The following PI4KA variants were observed in gnomAD, a reference collection of about 807,000 sequenced individuals.
PI4KA encodes the protein PI4-kinase alpha.
Under a neutral mutation model 271.4 loss-of-function variants are expected in PI4KA, and 122 were observed. The observed-to-expected ratio is 0.45, with a 90% CI of 0.39 to 0.52. The LOEUF (loss-of-function observed/expected upper bound fraction) is 0.52, where lower values mean the gene tolerates loss of function less well. PI4KA is among the 20% of genes least tolerant of loss of function. The pLI, the probability that PI4KA is intolerant of heterozygous loss-of-function variation, is 0.00. For synonymous variants in PI4KA, 1,041 were observed against 1,078.8 expected, an observed-to-expected ratio of 0.96 and a Z score of 0.69; for missense variants, 1,969 against 2,769.1, an observed-to-expected ratio of 0.71 and a Z score of 6.48.
intron 3 of PI4KA, among the ~76,000 whole-genome samples, chr22:20,828,205 T>C (rs1421510654): frequency 6.6e-6 from 1 of 152,228 alleles, no homozygotes; most frequent in African/African-American, 2.4e-5. Context: ...ACATTGATTT[T>C]GTATCCTGAA....
chr22:20,836,704 G>T lies in PI4KA; in HGVS notation c.273+1911C>A, dbSNP rs1924908351. On this transcript the variant is annotated intron_variant, in intron 2 of 54. Coordinates refer to ENST00000255882, the MANE Select transcript of PI4KA (RefSeq NM_058004.4). Reference sequence around the variant, plus strand: ...GGTGGTCCCTAGGGCTTTCTCAGGGGGCTGGCAAAGCATGCTAGGCTTCTC... The same window carrying T: ...GGTGGTCCCTAGGGCTTTCTCAGGGTGCTGGCAAAGCATGCTAGGCTTCTC... 2.0e-5 allele frequency among the ~76,000 whole-genome samples: 3 copies of T among 152,276 alleles called. No homozygotes were observed. The South Asian group carries it at 6.2e-4, about 32-fold the overall frequency.
At chr22:20,713,427 G>A (rs1390283082) in intron 47 of PI4KA, 37 bp from the exon 48 acceptor site, 1 of 1,486,194 alleles carries the variant, frequency 6.7e-7, no homozygotes, top group African/African-American at 1.4e-5. Flanking sequence ...TAGCCTGTAG[G>A]CAGTGAGAAG....
intron 42 of PI4KA, 171 bp from the exon 43 acceptor site, chr22:20,721,589 G>C: frequency 1.5e-6 from 1 of 655,254 alleles, no homozygotes; most frequent in East Asian, 2.7e-5. Context: ...CCAGTGGCCA[G>C]GCCAAGTTCC....
Position 20,799,261 on chromosome 22 carries a change from A to C in PI4KA, c.1836T>G (p.Ile612Met). The change falls in exon 16 of 55, where the codon ATT becomes ATG. Residue 612 changes from isoleucine to methionine, a missense_variant. Physicochemically the swap from Ile to Met is conservative, Grantham distance 10 (BLOSUM62 1). Transcript: ENST00000255882. ...CCAAGGCTCGGATTGTGTGGTCGGGAATCAAGTGAGCGTCCCTACAGAAGG... is the reference window on the plus strand; with the variant it reads ...CCAAGGCTCGGATTGTGTGGTCGGGCATCAAGTGAGCGTCCCTACAGAAGG... ...SQESDKDAHL[I>M]PDHTIRALGH... The C allele has an allele frequency of 6.6e-7, 1 of 1,526,310 alleles. No homozygotes were observed. Among genetic ancestry groups the C allele is most frequent in the Non-Finnish European group, 8.8e-7 (1 of 1,139,518 alleles). The allele number at this position is 1,526,310 out of a possible 1,614,324, so 94.5% of individuals were successfully genotyped here.
intron 38 of PI4KA, 28 bp from the exon 39 acceptor site, chr22:20,729,534 A>G (rs764209148): frequency 1.9e-6 from 3 of 1,560,766 alleles, no homozygotes; most frequent in African/African-American, 2.7e-5. Context: ...AAGGCCTGAT[A>G]TGCACCCCTT....
At chr22:20,723,130 C>A (rs1043381913) in intron 42 of PI4KA, among the ~76,000 whole-genome samples, 6 of 151,666 alleles carry the variant, frequency 4.0e-5, no homozygotes, top group African/African-American at 1.5e-4. Context: ...ACGCCATTCT[C>A]CTGCCTCAGC....
chr22:20,726,275 A>C, intron 42 of PI4KA: 2 of 468,610 alleles, frequency 4.3e-6, no homozygotes, highest in Non-Finnish European at 3.7e-6. Context: ...CGCTCCACAG[A>C]GCATGCTTGG....
rs543028508 is a variant in PI4KA at position 20,717,288 on chromosome 22, C to G, written c.5317+420G>C. On this transcript the variant is annotated intron_variant, in intron 45 of 54. Coordinates refer to ENST00000255882, the MANE Select transcript of PI4KA (RefSeq NM_058004.4). Reference sequence around the variant, plus strand: ...CCATGTGGCCACAGCCACAGGCACCCAGGAGCGACTTCCCATGGAGGCGGT... The same window carrying G: ...CCATGTGGCCACAGCCACAGGCACCGAGGAGCGACTTCCCATGGAGGCGGT... 2.2e-3 allele frequency among the ~76,000 whole-genome samples: 331 copies of G among 152,356 alleles called. 1 individual carries two copies. The highest frequency in any genetic ancestry group is 7.9e-3 in the African/African-American group (329 of 41,574).
chr22:20,754,187 A>G (rs1931021466), intron 23 of PI4KA, among the ~76,000 whole-genome samples: 1 of 152,126 alleles, frequency 6.6e-6, no homozygotes, highest in Admixed American at 6.5e-5. Context: ...TCCCAGGCTC[A>G]AGGGATCCTC....
At chr22:20,752,841 C>T (rs1268527847) in intron 25 of PI4KA, 62 bp downstream of exon 25, 4 of 1,537,308 alleles carry the variant, frequency 2.6e-6, no homozygotes, top group Admixed American at 1.8e-5. Context: ...TTTTTCCCAG[C>T]ATTTGAAATC....
intron 3 of PI4KA, 152 bp from the exon 4 acceptor site, chr22:20,824,566 A>G: frequency 1.7e-6 from 1 of 595,308 alleles, no homozygotes; most frequent in Non-Finnish European, 3.0e-6. Flanking sequence ...TCAAAAGAAC[A>G]GCTATGGGCC....
intron 42 of PI4KA, chr22:20,725,570 C>T (rs932893990): frequency 2.2e-6 from 1 of 450,452 alleles, no homozygotes; most frequent in African/African-American, 2.0e-5. Flanking sequence ...AAAGGATGAC[C>T]CTGTAAGGAC....
Position 20,708,005 on chromosome 22 carries a change from C to A in PI4KA, c.*42G>T, listed in dbSNP as rs755869507. The A allele has an allele frequency of 6.5e-7, 1 of 1,527,974 alleles. No homozygotes were observed. The highest frequency in any genetic ancestry group is 1.1e-5 in the South Asian group (1 of 89,340). The allele number at this position is 1,527,974 out of a possible 1,614,324, so 94.7% of individuals were successfully genotyped here. A position where few individuals can be genotyped will look rare whatever the true frequency, so the allele number is the denominator to read the frequency against. On this transcript the variant is annotated 3_prime_UTR_variant, in exon 55 of 55. Coordinates refer to ENST00000255882, the MANE Select transcript of PI4KA (RefSeq NM_058004.4). ...GCAGGGCTCCATGATTGTGGGACAG[C>A]TTTGAGGGCACATGGGGCAGAGGCC...
At chr22:20,786,262 T>C in intron 19 of PI4KA, 1 of 1,203,436 alleles carries the variant, frequency 8.3e-7, no homozygotes, top group Non-Finnish European at 1.2e-6. Context: ...CTTGGGGTGC[T>C]GAGTCTGCTC....
chr22:20,800,486 TATG>T (rs1474848130), intron 14 of PI4KA, among the ~76,000 whole-genome samples: 1 of 151,920 alleles, frequency 6.6e-6, no homozygotes, highest in African/African-American at 2.4e-5. Flanking sequence ...GTAAAGAAAA[TATG>T]ATGATACGTT....
At chr22:20,720,317 A>C (rs954303451) in intron 43 of PI4KA, among the ~76,000 whole-genome samples, 1 of 152,116 alleles carries the variant, frequency 6.6e-6, no homozygotes, top group Non-Finnish European at 1.5e-5. Flanking sequence ...TGGCCTCCCA[A>C]AGTGTTGGGA....
intron 19 of PI4KA, among the ~76,000 whole-genome samples, chr22:20,778,498 C>T (rs184337218): frequency 6.0e-4 from 91 of 152,134 alleles, no homozygotes; most frequent in African/African-American, 2.0e-3. Context: ...AGTGAGACTC[C>T]ATTTCAAAAA....
At chr22:20,731,566 CG>C (rs1229984127) in intron 36 of PI4KA, among the ~76,000 whole-genome samples, 2 of 152,082 alleles carry the variant, frequency 1.3e-5, no homozygotes, top group South Asian at 2.1e-4. Flanking sequence ...GAGGCTGAGG[CG>C]GGCGGATCAG....
chr22:20,803,078 G>A, intron 13 of PI4KA, 113 bp downstream of exon 13: 1 of 1,079,690 alleles, frequency 9.3e-7, no homozygotes, highest in South Asian at 1.4e-5. Flanking sequence ...AAGACAGAAG[G>A]AAAGGTGTGG....
Sources: allele counts gnomAD v4.1 joint callset (sites outside exome capture counted in the v4.1 genomes callset), GRCh38; gene constraint gnomAD v4.1.1; transcripts MANE v1.5; gene names NCBI Gene and HGNC (gene_info 2026-07-23, HGNC 2026-07-21).